Variants in AP4S1 observed in about 807,000 individuals in gnomAD.
AP4S1 encodes adaptor related protein complex 4 subunit sigma 1.
In AP4S1, 23 loss-of-function variants were observed where a neutral mutation model predicts 19.8. That is an observed-to-expected ratio of 1.16 (90% CI 0.84 to 1.65). The LOEUF (loss-of-function observed/expected upper bound fraction) is 1.65, where lower values mean the gene tolerates loss of function less well. Among genes scored for constraint, AP4S1 ranks in the 40% most tolerant of loss-of-function variants. AP4S1 has a pLI of 0.00. For synonymous variants in AP4S1, 46 were observed against 54.1 expected (o/e 0.85, Z 0.66); for missense variants, 166 against 172.8 (o/e 0.96, Z 0.22).
intron 1 of AP4S1, among the ~76,000 whole-genome samples, chr14:31,059,195 G>A (rs1015510184): frequency 1.3e-4 from 20 of 152,166 alleles, no homozygotes; most frequent in Non-Finnish European, 2.1e-4. Flanking sequence ...ATTGTCTAAT[G>A]TTTAAGAGCA....
At chr14:31,045,679 A>G (rs1234151858) in intron 1 of AP4S1, among the ~76,000 whole-genome samples, 1 of 152,178 alleles carries the variant, frequency 6.6e-6, no homozygotes, top group Non-Finnish European at 1.5e-5. Context: ...TTCAAAATAT[A>G]TAGTTCTGTG....
At chr14:31,070,004 T>A (rs2139056793) in intron 3 of AP4S1, 75 bp downstream of exon 3, 1 of 1,305,934 alleles carries the variant, frequency 7.7e-7, no homozygotes, top group Middle Eastern at 1.8e-4. Flanking sequence ...ATGACTCTCT[T>A]GATTTTTTTT....
chr14:31,050,067 A>G (rs1438954363), intron 1 of AP4S1, among the ~76,000 whole-genome samples: 2 of 152,030 alleles, frequency 1.3e-5, no homozygotes, highest in Non-Finnish European at 2.9e-5. Context: ...GATTACAGGC[A>G]TGCGCCACCA....
chr14:31,061,551 C>G (rs1036029096), intron 1 of AP4S1, among the ~76,000 whole-genome samples: 6 of 152,164 alleles, frequency 3.9e-5, no homozygotes, highest in African/African-American at 9.7e-5. Flanking sequence ...TAGTCTCCCC[C>G]GCTTTCAGTC....
intron 1 of AP4S1, among the ~76,000 whole-genome samples, chr14:31,027,734 G>C (rs1884112829): frequency 6.6e-6 from 1 of 152,202 alleles, no homozygotes; most frequent in African/African-American, 2.4e-5. Flanking sequence ...AAGTACAATA[G>C]TGGGTACTTT....
At chr14:31,025,555 G>A, upstream of AP4S1, 1 of 333,316 alleles carries the variant, frequency 3.0e-6, no homozygotes, top group Non-Finnish European at 5.7e-6. Flanking sequence ...AGTGTTGAGA[G>A]GCCCCAAACC....
intron 1 of AP4S1, chr14:31,026,047 C>A: frequency 6.5e-7 from 1 of 1,530,784 alleles, no homozygotes. Flanking sequence ...CCCGCTCCCT[C>A]GGAGGCCGGA....
intron 1 of AP4S1, among the ~76,000 whole-genome samples, chr14:31,028,667 C>G (rs188079367): frequency 6.6e-6 from 1 of 151,968 alleles, no homozygotes; most frequent in Non-Finnish European, 1.5e-5. Flanking sequence ...AATCCCAGCA[C>G]TTTGGGAGGC....
At chr14:31,058,577 T>TGTGTGTGTGTG (rs1886262331) in intron 1 of AP4S1, among the ~76,000 whole-genome samples, 1 of 120,098 alleles carries the variant, frequency 8.3e-6, no homozygotes, top group Non-Finnish European at 1.8e-5. Flanking sequence ...GTGTGTGTGT[T>TGTGTGTGTGTG]TAGAGATAGG....
chr14:31,026,994 A>AT (rs1368503547), intron 1 of AP4S1: 2 of 151,940 alleles, frequency 1.3e-5, no homozygotes, highest in African/African-American at 4.8e-5. Context: ...GTGGTTACTG[A>AT]TTCCTCGTCT....
rs1429197684 is a variant in AP4S1 at position 31,049,426 on chromosome 14, AAAATAT to A, written c.-71-16698_-71-16693del. Among the ~76,000 whole-genome samples the A allele has an allele frequency of 8.6e-4, 37 of 43,036 alleles. No homozygotes were observed. The South Asian group carries it at 0.019, about 22-fold the overall frequency. The allele number at this position is 43,036 out of a possible 152,430, so 28.2% of individuals were successfully genotyped here. ...AAGACTCGGTCTCAAAAAAAAAAAA[AAAATAT>A]ATATATATATATATATATATATATA... On this transcript the variant is annotated intron_variant, in intron 1 of 5. Coordinates refer to ENST00000542754, the MANE Select transcript of AP4S1 (RefSeq NM_001128126.3).
At chr14:31,073,445 C>CTG (rs1566538758) in intron 4 of AP4S1, among the ~76,000 whole-genome samples, 3 of 138,172 alleles carry the variant, frequency 2.2e-5, no homozygotes, top group Non-Finnish European at 4.8e-5. Context: ...AGCCGAGATC[C>CTG]CGCCACTGCA....
At chr14:31,068,066 C>T (rs1327829930) in intron 2 of AP4S1, among the ~76,000 whole-genome samples, 1 of 151,946 alleles carries the variant, frequency 6.6e-6, no homozygotes, top group African/African-American at 2.4e-5. Flanking sequence ...CAGGGTTTCC[C>T]CATGTTGGTC....
intron 1 of AP4S1, among the ~76,000 whole-genome samples, chr14:31,027,943 G>T (rs901639804): frequency 6.6e-5 from 10 of 151,974 alleles, no homozygotes; most frequent in Non-Finnish European, 1.3e-4. Flanking sequence ...TTTCTTTACT[G>T]CAAAAGCCAA....
intron 1 of AP4S1, among the ~76,000 whole-genome samples, chr14:31,033,440 C>T (rs146945493): frequency 0.012 from 1,823 of 152,204 alleles, 31 homozygotes; most frequent in African/African-American, 0.042. Context: ...CCTTGAACTC[C>T]TGACCTTGTG....
In AP4S1 at chr14:31,093,049, C is replaced by A. The variant is rs780204446; in HGVS notation, c.*14C>A. Reference sequence around the variant, plus strand: ...TCAGAAAGCTGAAAGGAAGTCTCTTCGAGACAATATGGATTTATCAGAAAT... The same window carrying A: ...TCAGAAAGCTGAAAGGAAGTCTCTTAGAGACAATATGGATTTATCAGAAAT... On this transcript the variant is annotated 3_prime_UTR_variant, in exon 6 of 6. Coordinates refer to ENST00000542754, the MANE Select transcript of AP4S1 (RefSeq NM_001128126.3). 3 of 1,546,556 alleles carry A rather than the reference C, an allele frequency of 1.9e-6. No individual in the cohort carries two copies. In the African/African-American group the frequency reaches 4.1e-5, roughly 21 times the overall value.
intron 5 of AP4S1, 43 bp from the exon 6 acceptor site, chr14:31,092,864 A>T (rs201734437): frequency 1.4e-6 from 2 of 1,415,486 alleles, no homozygotes; most frequent in African/African-American, 1.6e-5. Flanking sequence ...ACTGAATGTT[A>T]ATAATTTTTA....
intron 1 of AP4S1, among the ~76,000 whole-genome samples, chr14:31,042,304 G>A (rs550245239): frequency 1.1e-4 from 16 of 152,266 alleles, no homozygotes; most frequent in African/African-American, 3.9e-4. Context: ...AAGAGTAGAA[G>A]GTAGAATATG....
chr14:31,064,692 C>T (rs557462804), intron 1 of AP4S1, among the ~76,000 whole-genome samples: 9 of 152,170 alleles, frequency 5.9e-5, no homozygotes, highest in South Asian at 2.1e-4. Context: ...TAAGGTGGCT[C>T]ACGCCCGTAA....
Sources: gnomAD v4.1 joint callset for allele counts (sites outside exome capture counted in the v4.1 genomes callset) on GRCh38, gnomAD v4.1.1 for gene constraint, MANE v1.5 for transcripts, NCBI Gene and HGNC (gene_info 2026-07-23, HGNC 2026-07-21) for gene names.